Variants in SNTG2 observed in about 807,000 individuals in gnomAD.
SNTG2 encodes gamma-2-syntrophin.
SNTG2 carries 74 observed loss-of-function variants against 70.9 expected under a neutral mutation model. The ratio of observed to expected loss-of-function variants is 1.04; its 90% confidence interval spans 0.86 to 1.27. SNTG2 has a LOEUF of 1.27. Ranked by LOEUF, SNTG2 falls within the 50% of genes most tolerant of loss-of-function variation. SNTG2 has a pLI of 0.00. For missense variants in SNTG2, 717 were observed against 690.7 expected (o/e 1.04, Z -0.43); for synonymous variants, 278 against 273.8 (o/e 1.02, Z -0.15).
At chr2:1,040,435 C>T (rs989076527) in intron 1 of SNTG2, among the ~76,000 whole-genome samples, 4 of 152,186 alleles carry the variant, frequency 2.6e-5, no homozygotes, top group African/African-American at 7.2e-5. Flanking sequence ...TTCCCGCCAC[C>T]TCTGCTTTCA....
At chr2:1,098,571 C>T (rs984441057) in intron 4 of SNTG2, among the ~76,000 whole-genome samples, 161 bp downstream of exon 4, 1 of 152,110 alleles carries the variant, frequency 6.6e-6, no homozygotes, top group Non-Finnish European at 1.5e-5. Flanking sequence ...CTTCTTATGC[C>T]CTGATCTGAG....
chr2:1,186,135 CA>C (rs1558506566), intron 8 of SNTG2, among the ~76,000 whole-genome samples: 2 of 141,292 alleles, frequency 1.4e-5, no homozygotes. Flanking sequence ...ATCCCTAGAG[CA>C]GGGGCACAAT....
chr2:980,676 T>C (rs1239803403), intron 1 of SNTG2, among the ~76,000 whole-genome samples: 1 of 147,528 alleles, frequency 6.8e-6, no homozygotes, highest in Non-Finnish European at 1.5e-5. Flanking sequence ...GGGATAGGCC[T>C]AGTGTTTATA....
chr2:1,076,903 A>G (rs536143230), intron 1 of SNTG2, among the ~76,000 whole-genome samples: 1 of 152,262 alleles, frequency 6.6e-6, no homozygotes, highest in East Asian at 1.9e-4. Context: ...TTGAAACCCT[A>G]TTCTGAGTCT....
At chr2:1,020,161 T>G (rs572371339) in intron 1 of SNTG2, among the ~76,000 whole-genome samples, 1 of 152,244 alleles carries the variant, frequency 6.6e-6, no homozygotes, top group Non-Finnish European at 1.5e-5. Flanking sequence ...GTACACAAGC[T>G]GATGATGAAT....
At chr2:1,178,444 A>G (rs1374165955) in intron 8 of SNTG2, among the ~76,000 whole-genome samples, 2 of 151,840 alleles carry the variant, frequency 1.3e-5, no homozygotes, top group African/African-American at 2.4e-5. Flanking sequence ...TGGGTTTGTC[A>G]TAGATAGCTC....
At chr2:1,179,798 G>T (rs538699238) in intron 8 of SNTG2, among the ~76,000 whole-genome samples, 1 of 144,622 alleles carries the variant, frequency 6.9e-6, no homozygotes, top group Non-Finnish European at 1.5e-5. Context: ...GAGGCATCAC[G>T]CTACCTGACT....
At chr2:1,053,479 C>CA (rs1662193522) in intron 1 of SNTG2, among the ~76,000 whole-genome samples, 2 of 120,908 alleles carry the variant, frequency 1.7e-5, no homozygotes, top group South Asian at 6.6e-4. Flanking sequence ...TCCCCCCCCA[C>CA]CCCCCCAGCC....
Position 1,181,976 on chromosome 2 carries a change from A to T in SNTG2, c.591+8793A>T, listed in dbSNP as rs560224961. On this transcript the variant is annotated intron_variant, in intron 8 of 16. Transcript: ENST00000308624. ...GAAGTACAGAATCCATTGATCTTTC[A>T]CCTGTTGCTGAATCCATTGCTGCTT... Among the ~76,000 whole-genome samples the T allele has an allele frequency of 2.6e-4, 40 of 152,284 alleles. 1 individual carries two copies. The South Asian group carries it at 8.3e-3, about 32-fold the overall frequency.
At chr2:1,212,001 G>A (rs558097860) in intron 9 of SNTG2, among the ~76,000 whole-genome samples, 1 of 151,970 alleles carries the variant, frequency 6.6e-6, no homozygotes, top group African/African-American at 2.4e-5. Flanking sequence ...GAATGAAATG[G>A]AACCCAAGAA....
At chr2:1,143,901 AG>A (rs1668928002) in intron 6 of SNTG2, among the ~76,000 whole-genome samples, 1 of 145,508 alleles carries the variant, frequency 6.9e-6, no homozygotes, top group African/African-American at 2.6e-5. Context: ...CCCCAGAAAA[AG>A]AAAATATTAT....
chr2:1,307,313 TGTGTG>T, intron 14 of SNTG2, among the ~76,000 whole-genome samples: 1 of 51,382 alleles, frequency 1.9e-5, no homozygotes, highest in East Asian at 5.0e-4. Context: ...AGCCCTGCAT[TGTGTG>T]TGTGTGTGTG....
chr2:1,255,927 AATATATAAATAT>A (rs1558603140), intron 12 of SNTG2, among the ~76,000 whole-genome samples: 12 of 36,714 alleles, frequency 3.3e-4, no homozygotes, highest in African/African-American at 1.7e-3. Flanking sequence ...TAAATATATA[AATATATAAATAT>A]ATATATATAT....
intron 14 of SNTG2, among the ~76,000 whole-genome samples, chr2:1,296,024 A>G (rs1233815384): frequency 6.7e-6 from 1 of 150,192 alleles, no homozygotes; most frequent in Non-Finnish European, 1.5e-5. Context: ...GATGGCTTTC[A>G]CTGTAGAAGG....
chr2:1,052,418 T>A (rs1186018192), intron 1 of SNTG2, among the ~76,000 whole-genome samples: 1 of 152,226 alleles, frequency 6.6e-6, no homozygotes, highest in Non-Finnish European at 1.5e-5. Context: ...GCTATTTTCT[T>A]GTGTGCTTTT....
intron 14 of SNTG2, among the ~76,000 whole-genome samples, chr2:1,271,044 A>G (rs1304879009): frequency 6.6e-6 from 1 of 152,224 alleles, no homozygotes; most frequent in East Asian, 1.9e-4. Flanking sequence ...TACATTTTAC[A>G]GAAAAGTTCT....
At position 1,238,390 on chromosome 2, in the gene SNTG2, A is replaced by T. The variant is rs535114945; in HGVS notation, c.849+373A>T. ...TACAGTGTGACATTTTGAGTTGGGG[A>T]AACCTAATTGAGTTAAAAGTATAAT... On this transcript the variant is annotated intron_variant, in intron 10 of 16. Transcript: ENST00000308624. Among the ~76,000 whole-genome samples the T allele has an allele frequency of 2.9e-3, 447 of 152,304 alleles. 2 individuals are homozygous for T. The highest frequency in any genetic ancestry group is 6.8e-3 in the Middle Eastern group (2 of 294).
intron 1 of SNTG2, among the ~76,000 whole-genome samples, chr2:1,048,233 A>G (rs1661852697): frequency 6.6e-6 from 1 of 152,154 alleles, no homozygotes; most frequent in Non-Finnish European, 1.5e-5. Context: ...CTGATATACA[A>G]TATGCAAAGG....
chr2:1,096,348 A>G (rs554347881), intron 2 of SNTG2, among the ~76,000 whole-genome samples: 10 of 152,338 alleles, frequency 6.6e-5, no homozygotes, highest in African/African-American at 2.2e-4. Context: ...TGGTGAGGAC[A>G]TGTAAGGTTT....
Sources: gnomAD v4.1 joint callset for allele counts (sites outside exome capture counted in the v4.1 genomes callset) on GRCh38, gnomAD v4.1.1 for gene constraint, MANE v1.5 for transcripts, NCBI Gene and HGNC (gene_info 2026-07-23, HGNC 2026-07-21) for gene names.